The following SORCS3 variants were observed in gnomAD, a reference collection of about 807,000 sequenced individuals.
SORCS3 encodes the protein VPS10 domain-containing receptor SorCS3.
A neutral mutation model predicts 146.3 loss-of-function variants in SORCS3; 57 were observed. The ratio of observed to expected loss-of-function variants is 0.39; its 90% CI spans 0.31 to 0.49. The LOEUF (loss-of-function observed/expected upper bound fraction) is 0.49, where lower values mean the gene tolerates loss of function less well. Ranked by LOEUF, SORCS3 falls within the 20% of genes least tolerant of loss-of-function variation. The pLI, the probability that SORCS3 is intolerant of heterozygous loss-of-function variation, is 0.92. For synonymous variants in SORCS3, 653 were observed against 618.5 expected (o/e 1.06, Z -0.83); for missense variants, 1,341 against 1,575.5 (o/e 0.85, Z 2.52).
intron 1 of SORCS3, 68 bp downstream of exon 1, chr10:104,642,022 G>GGGGGGGGCCCCCCC: frequency 9.8e-5 from 17 of 173,324 alleles, no homozygotes; most frequent in East Asian, 6.0e-4. Flanking sequence ...GGGTGGGTGG[G>GGGGGGGGCCCCCCC]AGCGAGGGAC....
intron 24 of SORCS3, 57 bp from the exon 25 acceptor site, chr10:105,256,762 C>A: frequency 7.4e-7 from 1 of 1,352,892 alleles, no homozygotes; most frequent in Non-Finnish European, 1.1e-6. Context: ...CTCCCTCCAG[C>A]TAACAGCTTC....
chr10:104,720,211 G>C (rs1319822688), intron 1 of SORCS3, among the ~76,000 whole-genome samples: 1 of 151,828 alleles, frequency 6.6e-6, no homozygotes, highest in Non-Finnish European at 1.5e-5. Context: ...CCACCTATGA[G>C]TGAGAAAATG....
intron 2 of SORCS3, among the ~76,000 whole-genome samples, chr10:104,896,133 T>C (rs765861177): frequency 6.6e-6 from 1 of 152,276 alleles, no homozygotes; most frequent in East Asian, 1.9e-4. Context: ...GGAGGTAAAT[T>C]GTTGCTCTAA....
At chr10:104,968,551 A>G (rs1168335318) in intron 3 of SORCS3, among the ~76,000 whole-genome samples, 2 of 152,232 alleles carry the variant, frequency 1.3e-5, no homozygotes, top group Non-Finnish European at 2.9e-5. Flanking sequence ...CAGCACACGT[A>G]TACCCACTGC....
chr10:104,693,181 G>GA (rs148571539), intron 1 of SORCS3, among the ~76,000 whole-genome samples: 60 of 152,334 alleles, frequency 3.9e-4, no homozygotes, highest in African/African-American at 1.2e-3. Context: ...CCCAGCAGAG[G>GA]AGAAAGCATC....
At chr10:105,261,206 A>T (rs938281240) in intron 25 of SORCS3, among the ~76,000 whole-genome samples, 2 of 152,192 alleles carry the variant, frequency 1.3e-5, no homozygotes, top group South Asian at 2.1e-4. Context: ...TATTTCTTAC[A>T]TAGGCAGTGT....
intron 7 of SORCS3, among the ~76,000 whole-genome samples, chr10:105,127,771 C>T (rs1206378906): frequency 6.6e-6 from 1 of 152,046 alleles, no homozygotes; most frequent in African/African-American, 2.4e-5. Context: ...AAAAAAGAGC[C>T]CTGGGAATCA....
chr10:105,177,912 A>G (rs2056417896), intron 13 of SORCS3, among the ~76,000 whole-genome samples, 154 bp from the exon 14 acceptor site: 1 of 152,178 alleles, frequency 6.6e-6, no homozygotes, highest in African/African-American at 2.4e-5. Flanking sequence ...AAATCTCATA[A>G]TAATATGGGG....
In SORCS3 at chr10:105,211,092, C is replaced by T. The variant is rs762226601; in HGVS notation, c.2262-45C>T. 13 of 1,289,908 alleles carry T rather than the reference C, an allele frequency of 1.0e-5. No homozygotes were observed. In the African/African-American group the frequency reaches 1.2e-4, roughly 12 times the overall value. 79.9% of individuals were successfully genotyped at this position (1,289,908 alleles called of 1,614,324 possible). The stretch of plus-strand genomic sequence containing the variant: ...TTGTGTGTGCCTGCGGTTATTTTAG[C>T]GTTTGTACATATATACTACTATGCA... On this transcript the variant is annotated intron_variant, in intron 16 of 26. Transcript: ENST00000369701.
At chr10:105,016,127 T>TTATATAAATATA (rs2055164373) in intron 4 of SORCS3, among the ~76,000 whole-genome samples, 1 of 129,098 alleles carries the variant, frequency 7.7e-6, no homozygotes, top group Non-Finnish European at 1.6e-5. Context: ...ATTAGAAATA[T>TTATATAAATATA]TATATAAATA....
chr10:104,771,420 T>C (rs978818660), intron 1 of SORCS3, among the ~76,000 whole-genome samples: 32 of 152,152 alleles, frequency 2.1e-4, no homozygotes, highest in Admixed American at 9.2e-4. Flanking sequence ...GCTTGGCCCC[T>C]GACCCTCTAA....
At chr10:104,708,799 G>A (rs1298932517) in intron 1 of SORCS3, among the ~76,000 whole-genome samples, 4 of 152,102 alleles carry the variant, frequency 2.6e-5, no homozygotes, top group Non-Finnish European at 5.9e-5. Flanking sequence ...ACTGCACTGG[G>A]TGCCTTTGCC....
At chr10:104,678,021 G>A (rs2015931184) in intron 1 of SORCS3, among the ~76,000 whole-genome samples, 2 of 152,138 alleles carry the variant, frequency 1.3e-5, no homozygotes, top group Non-Finnish European at 1.5e-5. Flanking sequence ...CCAGGAGCTT[G>A]CATTCTAGTA....
chr10:104,812,782 C>T (rs1589508399), intron 1 of SORCS3, among the ~76,000 whole-genome samples: 1 of 152,100 alleles, frequency 6.6e-6, no homozygotes, highest in East Asian at 1.9e-4. Flanking sequence ...AGGTAAACAT[C>T]CAGAGCCAGT....
intron 1 of SORCS3, among the ~76,000 whole-genome samples, chr10:104,648,239 C>G (rs2015517890): frequency 2.0e-5 from 3 of 152,190 alleles, no homozygotes; most frequent in South Asian, 4.1e-4. Context: ...TTGTCTTCAT[C>G]AAATCACTCA....
chr10:104,983,572 G>A (rs2054943926), intron 4 of SORCS3, among the ~76,000 whole-genome samples: 2 of 152,126 alleles, frequency 1.3e-5, no homozygotes, highest in Admixed American at 6.6e-5. Flanking sequence ...CCAGGAGGTA[G>A]AGCAATGCAG....
At chr10:104,983,712 T>G (rs1205324289) in intron 4 of SORCS3, among the ~76,000 whole-genome samples, 1 of 151,904 alleles carries the variant, frequency 6.6e-6, no homozygotes, top group Non-Finnish European at 1.5e-5. Context: ...AGATCCTAGA[T>G]TTCTCGTTTT....
At chr10:104,928,847 GCCTC>G (rs2019177549) in intron 3 of SORCS3, among the ~76,000 whole-genome samples, 1 of 152,192 alleles carries the variant, frequency 6.6e-6, no homozygotes, top group Non-Finnish European at 1.5e-5. Flanking sequence ...TATGTCGAGG[GCCTC>G]CTGAGAGCAG....
intron 9 of SORCS3, 23 bp from the exon 10 acceptor site, chr10:105,157,115 C>T: frequency 6.2e-7 from 1 of 1,613,046 alleles, no homozygotes. Flanking sequence ...GCATGGTTCT[C>T]CATCTCTCAC....
Sources: allele counts gnomAD v4.1 joint callset (sites outside exome capture counted in the v4.1 genomes callset), GRCh38; gene constraint gnomAD v4.1.1; transcripts MANE v1.5; gene names NCBI Gene and HGNC (gene_info 2026-07-23, HGNC 2026-07-21).